MEI1: variants seen among roughly 807,000 people sequenced by gnomAD.
The protein encoded by MEI1 is meiotic double-stranded break formation protein 1, also known as meiosis inhibitor protein 1.
A neutral mutation model predicts 146.2 loss-of-function variants in MEI1; 103 were observed. The observed-to-expected ratio is 0.70, with a 90% CI of 0.60 to 0.83. MEI1 has a LOEUF of 0.83. MEI1 is among the 40% of genes least tolerant of loss of function. The probability of loss-of-function intolerance (pLI) is 0.00; values close to 1 mark genes in which losing one functional copy is unlikely to be tolerated. For missense variants in MEI1, 1,529 were observed against 1,533.0 expected (o/e 1.00, Z 0.04); for synonymous variants, 652 against 628.2 (o/e 1.04, Z -0.57).
chr22:41,730,375 TTGA>T (rs1432442447), intron 8 of MEI1, 143 bp from the exon 9 acceptor site: 2 of 590,044 alleles, frequency 3.4e-6, no homozygotes, highest in South Asian at 2.0e-5. Context: ...TATTAGTGGA[TTGA>T]TGATCATGAC....
rs191014345 is a variant in MEI1 at position 41,699,707 on chromosome 22, G to C, written c.169G>C (p.Val57Leu). ...CALELLPDPG[V>L]SLVRKKHMLS... ...GCTGGAGCTGCTGCCGGACCCCGGC[G>C]TGTCGGTGCGGGCGGAACCTTTTCT... The change falls in exon 1 of 31, where the codon GTG (valine) becomes CTG (leucine). Residue 57 changes from valine (V) to leucine (L), a missense_variant. Val to Leu is a conservative substitution (Grantham distance 32, BLOSUM62 1). Around this residue, in one of 3 missense-constraint regions of MEI1, gnomAD observed 1,212 missense variants for 1,178.9 expected, o/e 1.03. Transcript: ENST00000401548. The C allele has an allele frequency of 0.013, 20,710 of 1,570,484 alleles. 344 individuals are homozygous for C. Among genetic ancestry groups the C allele is most frequent in the Admixed American group, 0.066 (3,470 of 52,784 alleles).
chr22:41,787,863 C>A (rs979061228), intron 26 of MEI1, among the ~76,000 whole-genome samples: 3 of 152,322 alleles, frequency 2.0e-5, no homozygotes, highest in Non-Finnish European at 4.4e-5. Flanking sequence ...ATAACTACAT[C>A]TAATACCAAA....
At chr22:41,732,140 C>T in intron 9 of MEI1, 105 bp from the exon 10 acceptor site, 1 of 866,316 alleles carries the variant, frequency 1.2e-6, no homozygotes, top group Non-Finnish European at 1.8e-6. Context: ...CACGAGTGGC[C>T]TCCAACTCAT....
Position 41,763,288 on chromosome 22 carries a change from A to G in MEI1, c.2235A>G (p.Ala745=), listed in dbSNP as rs1163802813. Residue 745 remains alanine, a synonymous_variant, in exon 19 of 31, where the codon GCA becomes GCG. Transcript: ENST00000401548. ...TCAAAGCCTCCATCTATCTGCTTGCAATCTGCCAGGACAAAGACAATACAC... is the reference window on the plus strand; with the variant it reads ...TCAAAGCCTCCATCTATCTGCTTGCGATCTGCCAGGACAAAGACAATACAC... ...VVFKASIYLL[A]ICQDKDNTLR... 1.2e-6 allele frequency: 2 copies of G among 1,613,942 alleles called. No individual in the cohort carries two copies. Among genetic ancestry groups the G allele is most frequent in the East Asian group, 2.2e-5 (1 of 44,870 alleles).
rs1293744550 is a variant in MEI1, at chr22:41,794,490, A to G, written c.3534+13A>G. 1.2e-6 allele frequency: 2 copies of G among 1,607,112 alleles called. No homozygotes were observed. The highest frequency in any genetic ancestry group is 1.7e-6 in the Non-Finnish European group (2 of 1,173,640). Reference sequence around the variant, plus strand: ...GCTCATGACCCTGGTAAGTGCAGAAAGGATATCTTGTGGTCTGAGGAGTGT... The same window carrying G: ...GCTCATGACCCTGGTAAGTGCAGAAGGGATATCTTGTGGTCTGAGGAGTGT... On this transcript the variant is annotated intron_variant, in intron 28 of 30. Coordinates refer to ENST00000401548, the MANE Select transcript of MEI1 (RefSeq NM_152513.4).
Position 41,732,223 on chromosome 22 carries a change from CTG to C in MEI1, c.1097-20_1097-19del. The C allele has an allele frequency of 6.3e-7, 1 of 1,583,226 alleles. No individual in the cohort carries two copies. The highest frequency in any genetic ancestry group is 8.6e-7 in the Non-Finnish European group (1 of 1,161,100). On this transcript the variant is annotated intron_variant, in intron 9 of 30. Transcript: ENST00000401548. Reference sequence around the variant, plus strand: ...ACAAGAGAGCACTGATCCCTGGCCTCTGTCATGTCATCCTGTGGTAGGGATCG... The same window carrying C: ...ACAAGAGAGCACTGATCCCTGGCCTCTCATGTCATCCTGTGGTAGGGATCG...
At chr22:41,705,436 G>T (rs1332834836) in intron 2 of MEI1, 68 bp from the exon 3 acceptor site, 8 of 1,358,562 alleles carry the variant, frequency 5.9e-6, no homozygotes, top group Non-Finnish European at 8.4e-6. Flanking sequence ...CTCCCAAATT[G>T]CTGGGGTACA....
At position 41,712,363 on chromosome 22, in the gene MEI1, TA is replaced by T. The variant is rs569259585; in HGVS notation, c.350-1638del. Among the ~76,000 whole-genome samples the T allele has an allele frequency of 6.0e-3, 904 of 151,068 alleles. 11 individuals are homozygous for T. The highest frequency in any genetic ancestry group is 0.022 in the African/African-American group (892 of 41,192). ...CATTCTCCTGCCTCGGTCTCCCGAG[TA>T]GCTGGGACTACAGGCGCCCACCACC... is the stretch of plus-strand genomic sequence containing the variant. On this transcript the variant is annotated intron_variant, in intron 3 of 30. Transcript: ENST00000401548.
intron 3 of MEI1, among the ~76,000 whole-genome samples, chr22:41,707,009 G>T (rs1239591263): frequency 6.8e-6 from 1 of 147,090 alleles, no homozygotes; most frequent in Non-Finnish European, 1.5e-5. Context: ...TGGCCAACAT[G>T]GTGAAACCCC....
Position 41,729,659 on chromosome 22 carries a change from C to G in MEI1, c.865-6C>G. 6.2e-7 allele frequency: 1 copy of G among 1,600,634 alleles called. No individual in the cohort carries two copies. The highest frequency in any genetic ancestry group is 8.5e-7 in the Non-Finnish European group (1 of 1,172,158). On this transcript the variant is annotated splice_region_variant and splice_polypyrimidine_tract_variant and intron_variant, in intron 7 of 30. Coordinates refer to ENST00000401548, the MANE Select transcript of MEI1 (RefSeq NM_152513.4). ...CTGGGGTACTTTTTGCTGCCTGTTTCTCCAGCTTCTCCTCTCTAGAGATGA... is the reference window on the plus strand; with the variant it reads ...CTGGGGTACTTTTTGCTGCCTGTTTGTCCAGCTTCTCCTCTCTAGAGATGA...
chr22:41,765,205 G>A (rs1320931285), intron 19 of MEI1, among the ~76,000 whole-genome samples: 3 of 152,134 alleles, frequency 2.0e-5, no homozygotes, highest in South Asian at 2.1e-4. Flanking sequence ...TAGTAGAGAC[G>A]GGTTTTCAAC....
At chr22:41,708,009 G>C (rs2069229184) in intron 3 of MEI1, among the ~76,000 whole-genome samples, 1 of 152,140 alleles carries the variant, frequency 6.6e-6, no homozygotes, top group African/African-American at 2.4e-5. Context: ...ACAACTTTTT[G>C]TTTACCTAAC....
intron 3 of MEI1, among the ~76,000 whole-genome samples, chr22:41,711,094 A>G (rs530004623): frequency 7.2e-5 from 11 of 152,174 alleles, no homozygotes; most frequent in Non-Finnish European, 1.0e-4. Context: ...GCATTCACAC[A>G]AGAGACAAGT....
rs2073476909 is a variant in MEI1 at position 41,748,226 on chromosome 22, G to A, written c.1792+8G>A. ...AGTTTTCCAAGAAGCTTGGTAGGCA[G>A]CAGGCAAATGTGGAGGTTGGGAGGG... On this transcript the variant is annotated splice_region_variant and intron_variant, in intron 15 of 30. Transcript: ENST00000401548. The A allele has an allele frequency of 3.8e-6, 6 of 1,586,172 alleles. No individual in the cohort carries two copies. The highest frequency in any genetic ancestry group is 1.1e-5 in the South Asian group (1 of 90,468).
At chr22:41,785,610 C>G (rs1385915090) in intron 26 of MEI1, among the ~76,000 whole-genome samples, 2 of 151,506 alleles carry the variant, frequency 1.3e-5, no homozygotes, top group Non-Finnish European at 2.9e-5. Context: ...GTTGCCCAGG[C>G]TGGAGTGCAA....
chr22:41,702,434 C>T (rs866182374), intron 1 of MEI1, among the ~76,000 whole-genome samples: 6 of 151,520 alleles, frequency 4.0e-5, no homozygotes, highest in Admixed American at 6.6e-5. Context: ...CCACTGCACC[C>T]GGCTTGAACA....
chr22:41,784,925 T>TTTTTTTTATTTA (rs1555998544), intron 26 of MEI1, 142 bp downstream of exon 26: 1 of 327,020 alleles, frequency 3.1e-6, no homozygotes, highest in African/African-American at 2.3e-5. Flanking sequence ...ATTATTTTTA[T>TTTTTTTTATTTA]TTTATTTATT....
At chr22:41,782,711 T>C (rs1046104007) in intron 24 of MEI1, among the ~76,000 whole-genome samples, 1 of 152,242 alleles carries the variant, frequency 6.6e-6, no homozygotes, top group South Asian at 2.1e-4. Flanking sequence ...TTGTTGCCTG[T>C]GGTTGGTTTA....
chr22:41,767,177 C>G (rs142482342), intron 19 of MEI1, among the ~76,000 whole-genome samples: 1 of 152,314 alleles, frequency 6.6e-6, no homozygotes, highest in East Asian at 1.9e-4. Flanking sequence ...TGGCTTCTGT[C>G]TCTGATGTCA....
Sources: allele counts gnomAD v4.1 joint callset (sites outside exome capture counted in the v4.1 genomes callset), GRCh38; gene constraint gnomAD v4.1.1; regional missense constraint gnomAD v4.1.1; transcripts MANE v1.5; gene names NCBI Gene and HGNC (gene_info 2026-07-23, HGNC 2026-07-21).